The following MYO10 variants were observed in gnomAD, a reference collection of about 807,000 sequenced individuals.
MYO10 encodes the protein myosin X.
A neutral mutation model predicts 257.3 loss-of-function variants in MYO10; 133 were observed. That is an observed-to-expected ratio of 0.52 (90% CI 0.45 to 0.60). The LOEUF (loss-of-function observed/expected upper bound fraction) is 0.60, where lower values mean the gene tolerates loss of function less well. Among genes scored for constraint, MYO10 ranks in the 20% least tolerant of loss-of-function variants. The pLI is 0.00. For missense variants in MYO10, 2,399 were observed against 2,635.7 expected (o/e 0.91, Z 1.97); for synonymous variants, 1,104 against 1,028.6 (o/e 1.07, Z -1.40).
At chr5:16,822,691 T>C (rs1580036474) in intron 2 of MYO10, among the ~76,000 whole-genome samples, 4 of 2,356 alleles carry the variant, frequency 1.7e-3, no homozygotes, top group African/African-American at 2.6e-3. Flanking sequence ...TTTATTTTTA[T>C]TTTTTTTTTT....
At chr5:16,685,597 T>C (rs1579822510) in intron 29 of MYO10, 141 bp downstream of exon 29, 3 of 637,680 alleles carry the variant, frequency 4.7e-6, no homozygotes, top group East Asian at 2.8e-5. Context: ...TGGTCCTGTT[T>C]TTCTCCTTAA....
At chr5:16,674,803 C>T (rs1188634137) in intron 35 of MYO10, 50 bp downstream of exon 35, 1 of 1,597,816 alleles carries the variant, frequency 6.3e-7, no homozygotes. Flanking sequence ...CAGTGCCCCA[C>T]CTGTGTAAGC....
At chr5:16,861,382 G>A (rs980712453) in intron 2 of MYO10, among the ~76,000 whole-genome samples, 20 of 151,804 alleles carry the variant, frequency 1.3e-4, no homozygotes, top group African/African-American at 3.4e-4. Flanking sequence ...CCTGGCCAAC[G>A]TAGTGAAATC....
At chr5:16,744,516 T>G (rs528135321) in intron 19 of MYO10, among the ~76,000 whole-genome samples, 1 of 152,250 alleles carries the variant, frequency 6.6e-6, no homozygotes, top group African/African-American at 2.4e-5. Flanking sequence ...TGTATCATAA[T>G]GTGCTAGACC....
chr5:16,699,175 C>T (rs1426252671), intron 26 of MYO10, among the ~76,000 whole-genome samples: 1 of 152,084 alleles, frequency 6.6e-6, no homozygotes, highest in African/African-American at 2.4e-5. Flanking sequence ...GCAAATGCTT[C>T]GTCCTGCCAC....
intron 1 of MYO10, among the ~76,000 whole-genome samples, chr5:16,892,244 G>C (rs1468389818): frequency 6.6e-6 from 1 of 152,188 alleles, no homozygotes; most frequent in African/African-American, 2.4e-5. Context: ...GCTCAGCACA[G>C]TTATTCATTA....
At chr5:16,905,821 G>C (rs975013762) in intron 1 of MYO10, among the ~76,000 whole-genome samples, 9 of 152,144 alleles carry the variant, frequency 5.9e-5, no homozygotes, top group African/African-American at 2.2e-4. Context: ...CTTCACACAT[G>C]AACAATGTGT....
chr5:16,728,043 CA>C (rs1722258411), intron 19 of MYO10, among the ~76,000 whole-genome samples: 1 of 152,150 alleles, frequency 6.6e-6, no homozygotes, highest in Non-Finnish European at 1.5e-5. Context: ...CCAAAACACA[CA>C]AGTGGCCTGA....
At chr5:16,768,340 A>G (rs1370646460) in intron 10 of MYO10, among the ~76,000 whole-genome samples, 1 of 152,228 alleles carries the variant, frequency 6.6e-6, no homozygotes, top group East Asian at 1.9e-4. Context: ...TAAAGAACAC[A>G]GGAAACAGTA....
At chr5:16,757,664 T>G (rs1021423898) in intron 18 of MYO10, among the ~76,000 whole-genome samples, 1 of 152,132 alleles carries the variant, frequency 6.6e-6, no homozygotes, top group Non-Finnish European at 1.5e-5. Context: ...TTTATTTCTT[T>G]TCTCTCTTTT....
Position 16,701,345 on chromosome 5 carries a change from T to A in MYO10, c.3050A>T (p.Asp1017Val). 6.2e-7 allele frequency: 1 copy of A among 1,613,914 alleles called. No individual in the cohort carries two copies. The highest frequency in any genetic ancestry group is 8.5e-7 in the Non-Finnish European group (1 of 1,179,830). Residue 1017 changes from aspartate (D) to valine (V), a missense_variant, in exon 25 of 41, where the codon GAC becomes GTC. By Grantham distance (152) the Asp-to-Val change is radical. Around this residue, in one of 3 missense-constraint regions of MYO10, gnomAD observed 1,820 missense variants for 1,939.4 expected, o/e 0.94. Transcript: ENST00000513610. The surrounding 1 kb of genome is among the most constrained non-coding windows in gnomAD (Gnocchi z 8.1). ...SPNPSEHGHS[D>V]QRTSGIRTSD... ...GGTCCGGATGCCACTTGTTCGCTGG[T>A]CTGAGTGGCCGTGCTCGCTGGGGTT...
intron 4 of MYO10, among the ~76,000 whole-genome samples, chr5:16,789,493 G>A (rs1381522211): frequency 6.6e-6 from 1 of 152,156 alleles, no homozygotes; most frequent in Admixed American, 6.5e-5. Flanking sequence ...CCAGAAAGTA[G>A]GATTCTGTTC....
rs761717121 is a variant in MYO10, at chr5:16,877,620, C to G, written c.109G>C (p.Asp37His). The change falls in exon 2 of 41, where the codon GAC becomes CAC. Residue 37 changes from aspartate to histidine, a missense_variant. Physicochemically the swap from Asp to His is moderately conservative, Grantham distance 81. Coordinates refer to ENST00000513610, the MANE Select transcript of MYO10 (RefSeq NM_012334.3). ...CAEGIVVFRTDYGQVFTYKQS... is the reference protein window; with the variant it reads ...CAEGIVVFRTHYGQVFTYKQS... ...GGACTTGTTCTCACCTGACCATAGT[C>G]TGTCCGGAAGACGACGATGCCTTCT... 2 of 1,613,116 alleles carry G rather than the reference C, an allele frequency of 1.2e-6. No individual in the cohort carries two copies. The highest frequency in any genetic ancestry group is 1.7e-6 in the Non-Finnish European group (2 of 1,179,222).
At chr5:16,787,666 C>T (rs1283044520) in intron 4 of MYO10, among the ~76,000 whole-genome samples, 2 of 116,886 alleles carry the variant, frequency 1.7e-5, no homozygotes, top group Non-Finnish European at 3.7e-5. Flanking sequence ...AATGTGAAAA[C>T]AAACCCAAAG....
rs1273385815 is a variant in MYO10, at chr5:16,902,518, G to A, written c.22-24811C>T. The A allele has an allele frequency of 1.3e-5, 20 of 1,576,828 alleles. No individual in the cohort carries two copies. The East Asian group carries it at 1.3e-4, about 11-fold the overall frequency. On this transcript the variant is annotated intron_variant, in intron 1 of 40. Transcript: ENST00000513610. ...ACTGCTGCGGCCTCCACTATGTTTC[G>A]AATGACGAATTTCTTGATGGCCTTG...
chr5:16,702,790 C>A, intron 23 of MYO10, 135 bp downstream of exon 23: 1 of 951,040 alleles, frequency 1.1e-6, no homozygotes, highest in Non-Finnish European at 1.6e-6. Flanking sequence ...ATTTTATATT[C>A]TAGCCACCTA....
intron 30 of MYO10, among the ~76,000 whole-genome samples, chr5:16,682,467 T>C (rs1316855095): frequency 1.3e-5 from 2 of 152,148 alleles, no homozygotes; most frequent in African/African-American, 4.8e-5. Flanking sequence ...TGATTACGCT[T>C]TATACAAAAA....
At chr5:16,696,705 A>C (rs1206310876) in intron 26 of MYO10, among the ~76,000 whole-genome samples, 2 of 152,088 alleles carry the variant, frequency 1.3e-5, no homozygotes, top group Non-Finnish European at 2.9e-5. Flanking sequence ...AAAATACAAA[A>C]ATTAGTCAGG....
At chr5:16,935,267 C>G (rs1049007218) in intron 1 of MYO10, among the ~76,000 whole-genome samples, 1 of 152,140 alleles carries the variant, frequency 6.6e-6, no homozygotes, top group Non-Finnish European at 1.5e-5. Flanking sequence ...CACTTCTCGG[C>G]GAGCAAAGTA....
Sources: gnomAD v4.1 joint callset for allele counts (sites outside exome capture counted in the v4.1 genomes callset) on GRCh38, gnomAD v4.1.1 for gene constraint, gnomAD v4.1.1 regional missense constraint, Gnocchi (gnomAD v3.1) non-coding constraint, MANE v1.5 for transcripts, NCBI Gene and HGNC (gene_info 2026-07-23, HGNC 2026-07-21) for gene names.